The following UNC13A variants were observed in gnomAD, a reference collection of about 807,000 sequenced individuals.
The protein encoded by UNC13A is protein unc-13 homolog A.
A neutral mutation model predicts 219.7 loss-of-function variants in UNC13A; 61 were observed. The ratio of observed to expected loss-of-function variants is 0.28; its 90% CI spans 0.23 to 0.34. The LOEUF is 0.34. Among genes scored for constraint, UNC13A ranks in the 10% least tolerant of loss-of-function variants. UNC13A has a pLI of 1.00. For synonymous variants in UNC13A, 920 were observed against 884.6 expected (o/e 1.04, Z -0.71); for missense variants, 1,476 against 2,270.3 (o/e 0.65, Z 7.11).
intron 4 of UNC13A, among the ~76,000 whole-genome samples, chr19:17,671,683 A>T (rs1443189250): frequency 6.6e-6 from 1 of 152,056 alleles, no homozygotes; most frequent in Non-Finnish European, 1.5e-5. Flanking sequence ...CTGAGGTGGG[A>T]GGATCACTTG....
chr19:17,668,136 G>A lies in UNC13A; in HGVS notation c.449C>T (p.Ala150Val). The change falls in exon 6 of 44, where the codon GCT becomes GTT. Residue 150 changes from alanine (A) to valine (V), a missense_variant. This residue lies in a region of UNC13A where 203 missense variants were observed against 301.6 expected (regional missense o/e 0.67). Coordinates refer to ENST00000519716, the MANE Select transcript of UNC13A (RefSeq NM_001080421.3). ...ACTCACTTCATCCTGGTCCCGCATAGCATTGAGCTGCTCCAGCTTCTTGGC... is the reference window on the plus strand; with the variant it reads ...ACTCACTTCATCCTGGTCCCGCATAACATTGAGCTGCTCCAGCTTCTTGGC... Reference protein sequence around the residue: ...YWAKKLEQLNAMRDQDEYSFQ... With the variant: ...YWAKKLEQLNVMRDQDEYSFQ... The A allele has an allele frequency of 1.5e-5, 24 of 1,613,802 alleles. No individual in the cohort carries two copies. Among genetic ancestry groups the A allele is most frequent in the Non-Finnish European group, 1.9e-5 (23 of 1,179,794 alleles).
At chr19:17,666,378 A>ATT (rs113317391) in intron 7 of UNC13A, among the ~76,000 whole-genome samples, 5 of 151,308 alleles carry the variant, frequency 3.3e-5, no homozygotes, top group African/African-American at 1.2e-4. Context: ...ATGCCTGTTC[A>ATT]TTTTTTTTGT....
chr19:17,653,345 TTTTG>T (rs1555782139), intron 11 of UNC13A, among the ~76,000 whole-genome samples: 30 of 150,634 alleles, frequency 2.0e-4, no homozygotes, highest in Admixed American at 6.6e-4. Context: ...TATATATATA[TTTTG>T]TTTGTTTGTT....
intron 3 of UNC13A, among the ~76,000 whole-genome samples, chr19:17,673,215 G>A (rs1422476783): frequency 6.6e-6 from 1 of 151,744 alleles, no homozygotes; most frequent in East Asian, 1.9e-4. Flanking sequence ...AAATTAGCCG[G>A]GCGTGGTGGT....
chr19:17,683,629 G>A (rs1218421904), intron 1 of UNC13A, among the ~76,000 whole-genome samples: 1 of 151,986 alleles, frequency 6.6e-6, no homozygotes, highest in African/African-American at 2.4e-5. Flanking sequence ...CTACACTGCA[G>A]TCCGGGTGAC....
intron 31 of UNC13A, 141 bp downstream of exon 31, chr19:17,629,099 C>G: frequency 1.4e-6 from 1 of 705,808 alleles, no homozygotes; most frequent in Non-Finnish European, 2.4e-6. Flanking sequence ...ACAAGCACCT[C>G]TAAACACACA....
At chr19:17,648,690 C>G (rs1191225685) in intron 15 of UNC13A, 40 bp from the exon 16 acceptor site, 3 of 1,581,686 alleles carry the variant, frequency 1.9e-6, no homozygotes, top group Non-Finnish European at 2.6e-6. Flanking sequence ...GGCGCCTAAC[C>G]TGGCGCTGTC....
chr19:17,647,137 G>A, intron 17 of UNC13A, 128 bp downstream of exon 17: 1 of 845,840 alleles, frequency 1.2e-6, no homozygotes, highest in Non-Finnish European at 1.8e-6. Context: ...ACACGGAGAT[G>A]AGATGGAATG....
Position 17,603,336 on chromosome 19 carries a change from A to G in UNC13A, c.*2718T>C, listed in dbSNP as rs753516958. The G allele has an allele frequency of 1.3e-5, 2 of 152,274 alleles. No homozygotes were observed. The highest frequency in any genetic ancestry group is 2.1e-4 in the South Asian group (1 of 4,820). 9.4% of individuals were successfully genotyped at this position (152,274 alleles called of 1,614,324 possible). A position where few individuals can be genotyped will look rare whatever the true frequency, so the allele number is the denominator to read the frequency against. On this transcript the variant is annotated 3_prime_UTR_variant, in exon 44 of 44. Transcript: ENST00000519716. ...CCCATTTCTTTCCAGCCATCCAAAA[A>G]TCTTCCAGATCACCCTCACCCCAGG...
chr19:17,607,209 A>G (rs959240401), intron 43 of UNC13A, among the ~76,000 whole-genome samples: 2 of 152,050 alleles, frequency 1.3e-5, no homozygotes, highest in African/African-American at 4.8e-5. Flanking sequence ...CCTAGATAAT[A>G]CCAGCTAACC....
chr19:17,609,828 C>T (rs1383404098), intron 43 of UNC13A, 112 bp downstream of exon 43: 19 of 1,474,252 alleles, frequency 1.3e-5, no homozygotes, highest in Non-Finnish European at 1.7e-5. Flanking sequence ...AATGTGGCCC[C>T]TCCCATTCCC....
intron 19 of UNC13A, among the ~76,000 whole-genome samples, chr19:17,644,390 T>A (rs890407776): frequency 2.0e-5 from 3 of 151,962 alleles, no homozygotes; most frequent in Non-Finnish European, 2.9e-5. Flanking sequence ...GGCCTTGTTA[T>A]GTTGCCCAGG....
At chr19:17,658,039 A>C (rs1223121704) in intron 9 of UNC13A, 23 bp downstream of exon 9, 1 of 1,607,668 alleles carries the variant, frequency 6.2e-7, no homozygotes, top group African/African-American at 1.3e-5. Context: ...ACCCACATGC[A>C]TGCTGCACTC....
chr19:17,648,826 C>T, intron 15 of UNC13A, 86 bp downstream of exon 15: 4 of 1,520,542 alleles, frequency 2.6e-6, no homozygotes, highest in South Asian at 2.4e-5. Flanking sequence ...CTTCCTCTTC[C>T]CGGGGACCCA....
intron 8 of UNC13A, among the ~76,000 whole-genome samples, chr19:17,662,880 A>G (rs953700867): frequency 2.7e-5 from 4 of 150,090 alleles, no homozygotes; most frequent in Admixed American, 6.7e-5. Context: ...AGATCGTGCC[A>G]CTGCCCTCCA....
intron 8 of UNC13A, among the ~76,000 whole-genome samples, chr19:17,660,282 G>GT (rs11285355): frequency 0.026 from 3,888 of 148,064 alleles, 80 homozygotes; most frequent in Non-Finnish European, 0.035. Flanking sequence ...TGTTTACCCA[G>GT]TTTTTTTTTT....
rs151159600 is a variant in UNC13A, at chr19:17,666,557, C to T, written c.523+93G>A. On this transcript the variant is annotated intron_variant, in intron 7 of 43. Coordinates refer to ENST00000519716, the MANE Select transcript of UNC13A (RefSeq NM_001080421.3). ...ACTGCACTCTCAGGACTTGTATCTC[C>T]GGACTGGAGGAGCCTTTAGACAGGA... 1.8e-3 allele frequency: 1,823 copies of T among 985,610 alleles called. 29 individuals are homozygous for T. The African/African-American group carries it at 0.027, about 14-fold the overall frequency. 61.1% of individuals were successfully genotyped at this position (985,610 alleles called of 1,614,324 possible).
chr19:17,614,567 A>T (rs1236028764), intron 41 of UNC13A: 1 of 151,804 alleles, frequency 6.6e-6, no homozygotes, highest in Non-Finnish European at 1.5e-5. Flanking sequence ...CCACTCCTGG[A>T]CCACCCCATG....
chr19:17,672,094 C>G (rs867604841), intron 4 of UNC13A, among the ~76,000 whole-genome samples: 2 of 152,080 alleles, frequency 1.3e-5, no homozygotes, highest in African/African-American at 4.8e-5. Flanking sequence ...TGAACCACCC[C>G]CCTCCCCCAC....
Sources: allele counts gnomAD v4.1 joint callset (sites outside exome capture counted in the v4.1 genomes callset), GRCh38; gene constraint gnomAD v4.1.1; regional missense constraint gnomAD v4.1.1; transcripts MANE v1.5; gene names NCBI Gene and HGNC (gene_info 2026-07-23, HGNC 2026-07-21).